Variants in ARHGEF10 observed in about 807,000 individuals in gnomAD.
ARHGEF10 encodes Rho guanine nucleotide exchange factor (GEF) 10.
ARHGEF10 carries 140 observed loss-of-function variants against 147.4 expected under a neutral mutation model. The observed-to-expected ratio is 0.95, with a 90% confidence interval of 0.83 to 1.09. ARHGEF10 has a LOEUF of 1.09. Ranked by LOEUF, ARHGEF10 falls within the 50% of genes least tolerant of loss-of-function variation. The pLI, the probability that ARHGEF10 is intolerant of heterozygous loss-of-function variation, is 0.00. For synonymous variants in ARHGEF10, 902 were observed against 695.8 expected (o/e 1.30, Z -4.67); for missense variants, 2,222 against 1,752.7 (o/e 1.27, Z -4.78).
intron 17 of ARHGEF10, among the ~76,000 whole-genome samples, chr8:1,906,656 C>T (rs1033547453): frequency 1.3e-5 from 2 of 152,166 alleles, no homozygotes; most frequent in African/African-American, 2.4e-5. Context: ...ACTGCACATC[C>T]ACCTTCTCTG....
chr8:1,870,932 G>C (rs1164210573), intron 7 of ARHGEF10: 2 of 151,986 alleles, frequency 1.3e-5, no homozygotes, highest in Admixed American at 6.6e-5. Context: ...GGCCAACATG[G>C]TGAAACCCCA....
At chr8:1,878,075 G>A (rs577746507) in intron 8 of ARHGEF10, among the ~76,000 whole-genome samples, 2 of 152,224 alleles carry the variant, frequency 1.3e-5, no homozygotes, top group Admixed American at 6.5e-5. Context: ...GATCTTGGCA[G>A]TCAGCTCACC....
At chr8:1,857,825 C>A in intron 2 of ARHGEF10, 135 bp from the exon 3 acceptor site, 1 of 797,944 alleles carries the variant, frequency 1.3e-6, no homozygotes, top group Non-Finnish European at 2.1e-6. Context: ...TAACTACAAG[C>A]GCAGTACAGC....
intron 9 of ARHGEF10, among the ~76,000 whole-genome samples, chr8:1,882,074 C>A (rs1036904208): frequency 6.6e-6 from 1 of 152,190 alleles, no homozygotes; most frequent in Non-Finnish European, 1.5e-5. Context: ...AGTCTGACAT[C>A]CGCAGCGTGC....
chr8:1,880,295 G>A (rs942183271), intron 9 of ARHGEF10, 131 bp downstream of exon 9: 8 of 701,646 alleles, frequency 1.1e-5, no homozygotes, highest in Middle Eastern at 3.7e-4. Flanking sequence ...GGAATCCCCC[G>A]ACGCTTTGGG....
intron 1 of ARHGEF10, among the ~76,000 whole-genome samples, chr8:1,842,399 G>C (rs10109514): frequency 0.41 from 62,701 of 151,788 alleles, 13,901 homozygotes; most frequent in Non-Finnish European, 0.5. Flanking sequence ...GTCAGGCAGA[G>C]CCTGGAGCTC....
chr8:1,958,624 T>C lies in ARHGEF10; in HGVS notation c.*1361T>C, dbSNP rs1247210271. 2.0e-5 allele frequency: 3 copies of C among 152,122 alleles called. No homozygotes were observed. The highest frequency in any genetic ancestry group is 2.9e-5 in the Non-Finnish European group (2 of 68,020). 9.4% of individuals were successfully genotyped at this position (152,122 alleles called of 1,614,324 possible). ...GCTGTCTGACTTCATCAATAAAGTATTTTTATTTTAAAATGCAGTAGGATG... is the reference window on the plus strand; with the variant it reads ...GCTGTCTGACTTCATCAATAAAGTACTTTTATTTTAAAATGCAGTAGGATG... On this transcript the variant is annotated 3_prime_UTR_variant, in exon 29 of 29. Coordinates refer to ENST00000349830, the MANE Select transcript of ARHGEF10 (RefSeq NM_014629.4).
At chr8:1,954,218 C>T (rs1327634326) in intron 28 of ARHGEF10, among the ~76,000 whole-genome samples, 3 of 152,080 alleles carry the variant, frequency 2.0e-5, no homozygotes, top group Non-Finnish European at 4.4e-5. Flanking sequence ...CTCAGCCTCC[C>T]TAGTAGCTGG....
chr8:1,897,979 TC>T (rs1247361902), intron 14 of ARHGEF10, among the ~76,000 whole-genome samples: 1 of 152,100 alleles, frequency 6.6e-6, no homozygotes, highest in Non-Finnish European at 1.5e-5. Context: ...ACCTGGAGAC[TC>T]CCCCCAGGTC....
chr8:1,860,499 G>T (rs1028536099), intron 4 of ARHGEF10, among the ~76,000 whole-genome samples: 4 of 151,432 alleles, frequency 2.6e-5, no homozygotes, highest in Non-Finnish European at 5.9e-5. Context: ...CTGTGGTTCC[G>T]TAGAGTCCGG....
chr8:1,902,671 T>G (rs1425772049), intron 15 of ARHGEF10, among the ~76,000 whole-genome samples: 1 of 151,620 alleles, frequency 6.6e-6, no homozygotes, highest in African/African-American at 2.4e-5. Flanking sequence ...ACGCAGCCAC[T>G]GCCCAGCGGC....
Position 1,928,440 on chromosome 8 carries a change from C to G in ARHGEF10, c.2711C>G (p.Thr904Ser). Reference protein sequence around the residue: ...AHGFLWIGSCTHQMGQIAIVS... With the variant: ...AHGFLWIGSCSHQMGQIAIVS... ...TCTCTGATTCAGATCGGAAGTTGCACCCATCAAATGGGTCAGATTGCCATC... is the reference window on the plus strand; with the variant it reads ...TCTCTGATTCAGATCGGAAGTTGCAGCCATCAAATGGGTCAGATTGCCATC... Residue 904 changes from threonine to serine, a missense_variant, in exon 24 of 29, where the codon ACC (threonine) becomes AGC (serine). Coordinates refer to ENST00000349830, the MANE Select transcript of ARHGEF10 (RefSeq NM_014629.4). 4.3e-6 allele frequency: 7 copies of G among 1,613,226 alleles called. 1 individual carries two copies. The Middle Eastern group carries it at 9.9e-4, about 228-fold the overall frequency.
intron 1 of ARHGEF10, among the ~76,000 whole-genome samples, chr8:1,833,189 CAGAAGCAGAGACAG>C (rs1803350187): frequency 2.5e-5 from 1 of 39,952 alleles, no homozygotes; most frequent in Non-Finnish European, 5.0e-5. Flanking sequence ...GAGGCAGAGA[CAGAAGCAGAGACAG>C]AGGCAGAGGC....
At chr8:1,909,152 G>A in intron 17 of ARHGEF10, 143 bp from the exon 18 acceptor site, 1 of 1,227,816 alleles carries the variant, frequency 8.1e-7, no homozygotes, top group Non-Finnish European at 1.2e-6. Flanking sequence ...AAGAAAGTCA[G>A]AAGCACAATT....
At chr8:1,920,076 G>A (rs1241766783) in intron 18 of ARHGEF10, among the ~76,000 whole-genome samples, 3 of 151,896 alleles carry the variant, frequency 2.0e-5, no homozygotes, top group East Asian at 1.9e-4. Context: ...TGTTCTGTGG[G>A]TGATGGAGCT....
chr8:1,823,810 G>T (rs1802556486), upstream of ARHGEF10, among the ~76,000 whole-genome samples: 1 of 151,804 alleles, frequency 6.6e-6, no homozygotes, highest in African/African-American at 2.4e-5. Flanking sequence ...AGGAATGCGC[G>T]GGCGCGAGGG....
At chr8:1,893,206 G>C (rs1198311947) in intron 11 of ARHGEF10, among the ~76,000 whole-genome samples, 2 of 151,918 alleles carry the variant, frequency 1.3e-5, no homozygotes, top group African/African-American at 2.4e-5. Context: ...ATCAAGACTG[G>C]AACTATTTTT....
At chr8:1,840,373 G>A (rs1241508503) in intron 1 of ARHGEF10, among the ~76,000 whole-genome samples, 1 of 137,974 alleles carries the variant, frequency 7.2e-6, no homozygotes, top group Non-Finnish European at 1.6e-5. Context: ...TGTCCGATAT[G>A]GGGACTGTCT....
chr8:1,898,266 C>T (rs993828808), intron 14 of ARHGEF10, among the ~76,000 whole-genome samples, 167 bp from the exon 15 acceptor site: 1 of 152,206 alleles, frequency 6.6e-6, no homozygotes, highest in East Asian at 1.9e-4. Context: ...AGAGCAGGTG[C>T]AGAAAGTGGC....
Sources: gnomAD v4.1 joint callset for allele counts (sites outside exome capture counted in the v4.1 genomes callset) on GRCh38, gnomAD v4.1.1 for gene constraint, MANE v1.5 for transcripts, NCBI Gene and HGNC (gene_info 2026-07-23, HGNC 2026-07-21) for gene names.